Variants in GRIN2B observed in about 807,000 individuals in gnomAD.
The protein encoded by GRIN2B is glutamate receptor ionotropic, NMDA 2B.
In GRIN2B, 5 loss-of-function variants were observed where a neutral mutation model predicts 114.5. The ratio of observed to expected loss-of-function variants is 0.04; its 90% confidence interval spans 0.02 to 0.09. The LOEUF is 0.09. Among genes scored for constraint, GRIN2B ranks in the 10% least tolerant of loss-of-function variants. The pLI is 1.00. For synonymous variants in GRIN2B, 787 were observed against 745.1 expected, an observed-to-expected ratio of 1.06 and a Z score of -0.92; for missense variants, 1,108 against 1,943.5, an observed-to-expected ratio of 0.57 and a Z score of 8.08.
intron 4 of GRIN2B, among the ~76,000 whole-genome samples, chr12:13,730,618 T>C (rs1028763970): frequency 1.3e-5 from 2 of 152,106 alleles, no homozygotes; most frequent in Non-Finnish European, 2.9e-5. Flanking sequence ...CCAAATCTCA[T>C]TGTAGGCGAT....
At chr12:13,685,140 C>G (rs191869877) in intron 4 of GRIN2B, among the ~76,000 whole-genome samples, 96 of 152,308 alleles carry the variant, frequency 6.3e-4, no homozygotes, top group Non-Finnish European at 9.6e-4. Flanking sequence ...GCTTTTCTCT[C>G]CCTTTTGATC....
chr12:13,811,867 A>C (rs913676854), intron 3 of GRIN2B, among the ~76,000 whole-genome samples: 1 of 152,248 alleles, frequency 6.6e-6, no homozygotes, highest in Non-Finnish European at 1.5e-5. Flanking sequence ...GGAGACATTA[A>C]GGGAAATGTA....
intron 3 of GRIN2B, among the ~76,000 whole-genome samples, chr12:13,768,422 A>G (rs1197455635): frequency 6.6e-6 from 1 of 152,190 alleles, no homozygotes; most frequent in African/African-American, 2.4e-5. Flanking sequence ...AAGGGCCCTG[A>G]CAACCAAGGT....
chr12:13,891,355 C>T (rs1229257218), intron 2 of GRIN2B, among the ~76,000 whole-genome samples: 1 of 152,092 alleles, frequency 6.6e-6, no homozygotes, highest in African/African-American at 2.4e-5. Context: ...AAGGTCCTGA[C>T]CAGCTTGTAA....
intron 2 of GRIN2B, among the ~76,000 whole-genome samples, chr12:13,893,419 T>A (rs1338531791): frequency 2.6e-5 from 4 of 152,100 alleles, no homozygotes; most frequent in Admixed American, 2.6e-4. Context: ...CCTTAAATTG[T>A]CATATCAAAG....
At chr12:13,901,132 C>A (rs187473019) in intron 2 of GRIN2B, among the ~76,000 whole-genome samples, 2 of 152,124 alleles carry the variant, frequency 1.3e-5, no homozygotes, top group Non-Finnish European at 2.9e-5. Flanking sequence ...ACATTCTCAC[C>A]AACATTCAGT....
intron 4 of GRIN2B, among the ~76,000 whole-genome samples, chr12:13,707,505 A>T (rs1410579022): frequency 6.6e-6 from 1 of 152,148 alleles, no homozygotes; most frequent in African/African-American, 2.4e-5. Flanking sequence ...TTTCCAAAAG[A>T]TTAACATTAT....
intron 4 of GRIN2B, among the ~76,000 whole-genome samples, chr12:13,729,814 C>A: frequency 8.9e-6 from 1 of 112,364 alleles, no homozygotes; most frequent in Non-Finnish European, 1.7e-5. Flanking sequence ...AAGAGGAAGC[C>A]ATATGGGGAG....
At chr12:13,788,884 T>C (rs972828020) in intron 3 of GRIN2B, among the ~76,000 whole-genome samples, 1 of 152,202 alleles carries the variant, frequency 6.6e-6, no homozygotes, top group African/African-American at 2.4e-5. Flanking sequence ...CATCATTACC[T>C]TCCCTCTGCA....
chr12:13,727,058 G>A (rs535590316), intron 4 of GRIN2B, among the ~76,000 whole-genome samples: 10 of 152,254 alleles, frequency 6.6e-5, no homozygotes, highest in South Asian at 2.1e-4. Flanking sequence ...ATCAAGTTGT[G>A]TAAGAAATGG....
At chr12:13,639,196 T>C (rs968745744) in intron 5 of GRIN2B, among the ~76,000 whole-genome samples, 1 of 152,138 alleles carries the variant, frequency 6.6e-6, no homozygotes, top group Admixed American at 6.6e-5. Context: ...GTTTAGATCA[T>C]GCCCATTCTA....
At chr12:13,658,392 C>T (rs542466905) in intron 5 of GRIN2B, among the ~76,000 whole-genome samples, 1 of 152,076 alleles carries the variant, frequency 6.6e-6, no homozygotes, top group Non-Finnish European at 1.5e-5. Flanking sequence ...CTTTTGACAT[C>T]AGACACAAAT....
intron 2 of GRIN2B, among the ~76,000 whole-genome samples, chr12:13,964,856 C>T (rs970700063): frequency 6.6e-6 from 1 of 152,184 alleles, no homozygotes; most frequent in Non-Finnish European, 1.5e-5. Flanking sequence ...ACTCGCAGAA[C>T]ACCTCATTCC....
At chr12:13,928,707 G>A (rs931791241) in intron 2 of GRIN2B, among the ~76,000 whole-genome samples, 1 of 152,224 alleles carries the variant, frequency 6.6e-6, no homozygotes, top group Non-Finnish European at 1.5e-5. Flanking sequence ...AGAGAAGGCA[G>A]AGGTATTCAA....
chr12:13,553,409 T>C lies in GRIN2B; in HGVS notation c.*9374A>G, dbSNP rs141793976. 2.0e-5 allele frequency: 3 copies of C among 152,214 alleles called. No homozygotes were observed. The highest frequency in any genetic ancestry group is 7.2e-5 in the African/African-American group (3 of 41,458). The allele number at this position is 152,214 out of a possible 1,614,324, so 9.4% of individuals were successfully genotyped here. On this transcript the variant is annotated 3_prime_UTR_variant, in exon 14 of 14. Coordinates refer to ENST00000609686, the MANE Select transcript of GRIN2B (RefSeq NM_000834.5). ...GTAAATATACAGATAAGAGGTAAAG[T>C]GCTCAATTACCTCAACTCTTATCCT... is the stretch of plus-strand genomic sequence containing the variant.
intron 10 of GRIN2B, among the ~76,000 whole-genome samples, chr12:13,603,228 G>T (rs910670206): frequency 5.9e-5 from 9 of 152,174 alleles, no homozygotes; most frequent in Admixed American, 5.9e-4. Flanking sequence ...TAAATAAAGT[G>T]CAAATGTTAC....
At chr12:13,630,204 A>G (rs79654173) in intron 5 of GRIN2B, among the ~76,000 whole-genome samples, 32 of 152,370 alleles carry the variant, frequency 2.1e-4, no homozygotes, top group Non-Finnish European at 4.6e-4. Flanking sequence ...CTAATAATAG[A>G]TAATGATGAT....
intron 2 of GRIN2B, among the ~76,000 whole-genome samples, chr12:13,953,312 T>C (rs1867526685): frequency 6.6e-6 from 1 of 152,246 alleles, no homozygotes; most frequent in South Asian, 2.1e-4. Context: ...ATTATGAAGC[T>C]GCCCAGATAC....
At chr12:13,813,373 G>C (rs1864768474) in intron 3 of GRIN2B, among the ~76,000 whole-genome samples, 1 of 152,168 alleles carries the variant, frequency 6.6e-6, no homozygotes, top group African/African-American at 2.4e-5. Flanking sequence ...ATCGGAACCA[G>C]ATGGCAAAGG....
Sources: allele counts gnomAD v4.1 joint callset (sites outside exome capture counted in the v4.1 genomes callset), GRCh38; gene constraint gnomAD v4.1.1; transcripts MANE v1.5; gene names NCBI Gene and HGNC (gene_info 2026-07-23, HGNC 2026-07-21).